XRRA1: variants seen among roughly 807,000 people sequenced by gnomAD.
XRRA1 encodes X-ray radiation resistance-associated protein 1.
Under a neutral mutation model 80.2 loss-of-function variants are expected in XRRA1, and 69 were observed. The observed-to-expected ratio is 0.86, with a 90% CI of 0.71 to 1.05. The LOEUF (loss-of-function observed/expected upper bound fraction) is 1.05. Ranked by LOEUF, XRRA1 falls within the 50% of genes least tolerant of loss-of-function variation. XRRA1 has a pLI of 0.00. For synonymous variants in XRRA1, 348 were observed against 389.9 expected (o/e 0.89, Z 1.27); for missense variants, 967 against 976.4 (o/e 0.99, Z 0.13).
rs973396891 is a variant in XRRA1 at position 74,859,008 on chromosome 11, T to G, written c.1170+150A>C. On this transcript the variant is annotated intron_variant, in intron 12 of 18. Transcript: ENST00000684022. The stretch of plus-strand genomic sequence containing the variant: ...GATGGACTCCTGCCTTGGCCTGAAC[T>G]CCTTCCACTTTCCCCACCCTGAGAA... The G allele has an allele frequency of 1.2e-5, 13 of 1,086,958 alleles. No individual in the cohort carries two copies. In the African/African-American group the frequency reaches 2.0e-4, roughly 17 times the overall value. 67.3% of individuals were successfully genotyped at this position (1,086,958 alleles called of 1,614,324 possible).
intron 10 of XRRA1, among the ~76,000 whole-genome samples, chr11:74,885,230 C>T (rs2048730860): frequency 6.6e-6 from 1 of 152,146 alleles, no homozygotes; most frequent in South Asian, 2.1e-4. Context: ...CGCAACTGCG[C>T]TCCAGCCTGG....
chr11:74,934,155 G>A (rs548792649), intron 4 of XRRA1, among the ~76,000 whole-genome samples: 32 of 152,244 alleles, frequency 2.1e-4, no homozygotes, highest in Non-Finnish European at 4.1e-4. Flanking sequence ...TTTTTAATGA[G>A]AAAAACAAGG....
chr11:74,930,906 G>A (rs927124418), intron 5 of XRRA1, among the ~76,000 whole-genome samples: 4 of 152,108 alleles, frequency 2.6e-5, no homozygotes, highest in African/African-American at 9.7e-5. Flanking sequence ...CCCAGCTCGG[G>A]TGATCCTTCC....
At chr11:74,856,629 G>A (rs577946339) in intron 12 of XRRA1, among the ~76,000 whole-genome samples, 5 of 152,318 alleles carry the variant, frequency 3.3e-5, no homozygotes, top group South Asian at 4.1e-4. Flanking sequence ...AAGACCAAGC[G>A]TGGCCTAGAG....
Position 74,858,516 on chromosome 11 carries a change from C to T in XRRA1, c.1170+642G>A, listed in dbSNP as rs558843411. ...TGTAAGCAGAGTATCTTACAAGTTTCCTGCATTTCAGACTTGAGTAGGGCT... is the reference window on the plus strand; with the variant it reads ...TGTAAGCAGAGTATCTTACAAGTTTTCTGCATTTCAGACTTGAGTAGGGCT... On this transcript the variant is annotated intron_variant, in intron 12 of 18. Transcript: ENST00000684022. Among the ~76,000 whole-genome samples, 12 of 152,314 alleles carry T rather than the reference C, an allele frequency of 7.9e-5. No individual in the cohort carries two copies. The South Asian group carries it at 2.3e-3, about 29-fold the overall frequency.
rs753210844 is a variant in XRRA1 at position 74,848,199 on chromosome 11, G to T, written c.1644C>A (p.His548Gln). ...STVHSEETLS[H>Q]LSDTTVRLSP... The stretch of plus-strand genomic sequence containing the variant: ...TGAGGCGGACAGTTGTGTCACTCAG[G>T]TGGGACAGGGTCTCTTCACTATGCA... The change falls in exon 15 of 19, where the codon CAC becomes CAA. Residue 548 changes from histidine (H) to glutamine (Q), a missense_variant. By Grantham distance (24) the His-to-Gln change is conservative. Transcript: ENST00000684022. 15 of 1,613,766 alleles carry T rather than the reference G, an allele frequency of 9.3e-6. No homozygotes were observed. The highest frequency in any genetic ancestry group is 1.3e-5 in the Non-Finnish European group (15 of 1,179,894).
chr11:74,924,122 G>A (rs1941614720), intron 7 of XRRA1, among the ~76,000 whole-genome samples: 1 of 151,602 alleles, frequency 6.6e-6, no homozygotes, highest in Non-Finnish European at 1.5e-5. Flanking sequence ...GATTACAGGT[G>A]TGAGCCACCC....
intron 12 of XRRA1, among the ~76,000 whole-genome samples, chr11:74,854,987 T>C (rs902818495): frequency 2.0e-5 from 3 of 152,082 alleles, no homozygotes; most frequent in South Asian, 2.1e-4. Flanking sequence ...GAGGTGGAGA[T>C]TGCAGTGAGC....
At chr11:74,869,654 C>T (rs1191554302) in intron 10 of XRRA1, among the ~76,000 whole-genome samples, 4 of 152,212 alleles carry the variant, frequency 2.6e-5, no homozygotes, top group Non-Finnish European at 2.9e-5. Context: ...AGTATGGGGG[C>T]GACCATTTTT....
intron 8 of XRRA1, among the ~76,000 whole-genome samples, chr11:74,916,300 T>C (rs939355268): frequency 6.6e-6 from 1 of 152,194 alleles, no homozygotes; most frequent in Non-Finnish European, 1.5e-5. Context: ...AATACATAGG[T>C]TGGTTTGCTT....
At chr11:74,942,615 T>G (rs1007731800) in intron 2 of XRRA1, among the ~76,000 whole-genome samples, 4 of 152,176 alleles carry the variant, frequency 2.6e-5, no homozygotes, top group Admixed American at 2.6e-4. Context: ...CTACCAAGAA[T>G]AAATTCTGGA....
chr11:74,919,671 A>G (rs1940034984), intron 8 of XRRA1: 1 of 546,512 alleles, frequency 1.8e-6, no homozygotes, highest in Non-Finnish European at 3.6e-6. Flanking sequence ...CACCATCAAC[A>G]TTCACAAGTG....
At chr11:74,908,973 TGA>T (rs1313354781) in intron 8 of XRRA1, among the ~76,000 whole-genome samples, 2 of 152,130 alleles carry the variant, frequency 1.3e-5, no homozygotes, top group Non-Finnish European at 2.9e-5. Context: ...GTGTGAAAGC[TGA>T]GAGACAGAAC....
At chr11:74,923,934 G>A (rs928035085) in intron 7 of XRRA1, among the ~76,000 whole-genome samples, 2 of 152,086 alleles carry the variant, frequency 1.3e-5, no homozygotes, top group Non-Finnish European at 2.9e-5. Flanking sequence ...GCTCACTGAA[G>A]CCTCAAGCTG....
intron 8 of XRRA1, 35 bp from the exon 9 acceptor site, chr11:74,907,308 T>A (rs75074435): frequency 8.5e-5 from 137 of 1,611,416 alleles, no homozygotes; most frequent in Non-Finnish European, 1.1e-4. Context: ...ATGAGCAAGG[T>A]CGAGGGACAA....
chr11:74,846,462 A>C (rs994314523), intron 15 of XRRA1, among the ~76,000 whole-genome samples: 2 of 152,230 alleles, frequency 1.3e-5, no homozygotes, highest in African/African-American at 4.8e-5. Context: ...TGAAATCCAA[A>C]CTAGAGAAAG....
At chr11:74,852,730 G>T (rs2040181095) in intron 12 of XRRA1, among the ~76,000 whole-genome samples, 1 of 152,214 alleles carries the variant, frequency 6.6e-6, no homozygotes, top group South Asian at 2.1e-4. Context: ...CCTCTGAAGG[G>T]CAAAAAATAT....
At chr11:74,875,017 T>C (rs2045735438) in intron 10 of XRRA1, among the ~76,000 whole-genome samples, 1 of 152,212 alleles carries the variant, frequency 6.6e-6, no homozygotes, top group African/African-American at 2.4e-5. Context: ...AAGGGAAAGG[T>C]AGCTAACATT....
chr11:74,924,247 G>T (rs543345245), intron 7 of XRRA1, among the ~76,000 whole-genome samples: 1 of 151,164 alleles, frequency 6.6e-6, no homozygotes, highest in East Asian at 2.0e-4. Context: ...AGGCCGAGAC[G>T]GGCAGATCAC....
Sources: gnomAD v4.1 joint callset for allele counts (sites outside exome capture counted in the v4.1 genomes callset) on GRCh38, gnomAD v4.1.1 for gene constraint, MANE v1.5 for transcripts, NCBI Gene and HGNC (gene_info 2026-07-23, HGNC 2026-07-21) for gene names.